SMYD4: variants seen among roughly 807,000 people sequenced by gnomAD.
The protein encoded by SMYD4 is protein-lysine N-methyltransferase SMYD4.
In SMYD4, 68 loss-of-function variants were observed where a neutral mutation model predicts 72.8. The observed-to-expected ratio is 0.93, with a 90% CI of 0.77 to 1.14. SMYD4 has a LOEUF of 1.14. Ranked by LOEUF, SMYD4 falls within the 50% of genes most tolerant of loss-of-function variation. The pLI is 0.00. For synonymous variants in SMYD4, 407 were observed against 388.6 expected, an observed-to-expected ratio of 1.05 and a Z score of -0.56; for missense variants, 984 against 1,003.7, an observed-to-expected ratio of 0.98 and a Z score of 0.27.
intron 2 of SMYD4, among the ~76,000 whole-genome samples, chr17:1,820,315 C>T (rs538344726): frequency 2.6e-5 from 4 of 152,086 alleles, no homozygotes; most frequent in East Asian, 1.9e-4. Flanking sequence ...TCATAGCTCA[C>T]GACAGCCTCG....
In SMYD4 at chr17:1,804,510, AAT is replaced by A. The variant is rs534362627; in HGVS notation, c.369+114_369+115del. On this transcript the variant is annotated intron_variant, in intron 4 of 10. Transcript: ENST00000305513. ...ATATTAATGTGCTTCCAATTCAACCAATAGCAGCATGACATGATTTTAGTGTT... is the reference window on the plus strand; with the variant it reads ...ATATTAATGTGCTTCCAATTCAACCAAGCAGCATGACATGATTTTAGTGTT... The A allele has an allele frequency of 2.2e-3, 1,999 of 918,580 alleles. 10 individuals are homozygous for A. Among genetic ancestry groups the A allele is most frequent in the Non-Finnish European group, 2.9e-3 (1,712 of 583,252 alleles). 56.9% of individuals were successfully genotyped at this position (918,580 alleles called of 1,614,324 possible).
chr17:1,783,210 A>T (rs1443081300), intron 9 of SMYD4, 52 bp from the exon 10 acceptor site: 3 of 1,613,376 alleles, frequency 1.9e-6, no homozygotes, highest in Non-Finnish European at 2.5e-6. Flanking sequence ...TCAACTGTGG[A>T]TGCATATTTT....
chr17:1,786,951 C>T lies in SMYD4; in HGVS notation c.1743G>A (p.Gly581=). 1 of 1,613,946 alleles carries T rather than the reference C, an allele frequency of 6.2e-7. No homozygotes were observed. The highest frequency in any genetic ancestry group is 8.5e-7 in the Non-Finnish European group (1 of 1,180,028). Residue 581 remains glycine, a synonymous_variant, in exon 7 of 11, where the codon GGG becomes GGA. Transcript: ENST00000305513. ...TCAGCTTCTGCTGCCTTTCGGCAACCCCCATCCGGCTCTTGTGAGGCCCTG... is the reference window on the plus strand; with the variant it reads ...TCAGCTTCTGCTGCCTTTCGGCAACTCCCATCCGGCTCTTGTGAGGCCCTG... ...HCYGPHKSRM[G]VAERQQKLRS... is the part of the protein sequence containing the mutation.
Position 1,804,633 on chromosome 17 carries a change from T to C in SMYD4, c.362A>G (p.Gln121Arg). The change falls in exon 4 of 11, where the codon CAG (glutamine) becomes CGG (arginine). Residue 121 changes from glutamine to arginine, a missense_variant. Transcript: ENST00000305513. ...NRSAALFHLG[Q>R]YETCLKDINR... Reference sequence around the variant, plus strand: ...AGGTATCCTGATACTCACCTCATACTGACCCAGGTGGAAGAGGGCTGCCGA... The same window carrying C: ...AGGTATCCTGATACTCACCTCATACCGACCCAGGTGGAAGAGGGCTGCCGA... The C allele has an allele frequency of 6.2e-7, 1 of 1,613,570 alleles. No individual in the cohort carries two copies. The highest frequency in any genetic ancestry group is 8.5e-7 in the Non-Finnish European group (1 of 1,179,658).
At chr17:1,801,515 C>T (rs931003742) in intron 4 of SMYD4, among the ~76,000 whole-genome samples, 1 of 149,830 alleles carries the variant, frequency 6.7e-6, no homozygotes, top group African/African-American at 2.5e-5. Context: ...GCTGGGATTA[C>T]AGGCATGAGC....
At chr17:1,784,021 C>T (rs1229495147) in intron 8 of SMYD4, among the ~76,000 whole-genome samples, 1 of 152,268 alleles carries the variant, frequency 6.6e-6, no homozygotes, top group Non-Finnish European at 1.5e-5. Flanking sequence ...TGACACTCAA[C>T]TTCTGGAACT....
intron 2 of SMYD4, among the ~76,000 whole-genome samples, chr17:1,826,215 G>A (rs1002880329): frequency 4.6e-5 from 7 of 152,146 alleles, no homozygotes; most frequent in African/African-American, 1.4e-4. Context: ...CTGGGGGGCC[G>A]GGCGCAGTGG....
At chr17:1,822,857 A>G (rs1291163946) in intron 2 of SMYD4, among the ~76,000 whole-genome samples, 1 of 152,208 alleles carries the variant, frequency 6.6e-6, no homozygotes, top group Non-Finnish European at 1.5e-5. Context: ...CAATAACAAC[A>G]AAAACCTTAC....
At chr17:1,816,667 C>T (rs9909046) in intron 2 of SMYD4, among the ~76,000 whole-genome samples, 28,292 of 151,156 alleles carry the variant, frequency 0.19, 2,708 homozygotes, top group Middle Eastern at 0.21. Context: ...CCCTTTGTCG[C>T]CCAGGCTGGA....
Position 1,781,196 on chromosome 17 carries a change from C to A in SMYD4, c.*90G>T, listed in dbSNP as rs1442016920. The A allele has an allele frequency of 6.6e-7, 1 of 1,503,890 alleles. No homozygotes were observed. The highest frequency in any genetic ancestry group is 1.4e-5 in the African/African-American group (1 of 71,162). 93.2% of individuals were successfully genotyped at this position (1,503,890 alleles called of 1,614,324 possible). On this transcript the variant is annotated 3_prime_UTR_variant, in exon 11 of 11. Coordinates refer to ENST00000305513, the MANE Select transcript of SMYD4 (RefSeq NM_052928.3). ...TTAGCCTCCCAAAGTGCTGGGATTACAGGCGTGAGCCACCATACCTGGCCA... is the reference window on the plus strand; with the variant it reads ...TTAGCCTCCCAAAGTGCTGGGATTAAAGGCGTGAGCCACCATACCTGGCCA...
Position 1,800,865 on chromosome 17 carries a change from G to A in SMYD4, c.529C>T (p.Pro177Ser). ...SDLERNFTAT[P>S]ALADVLPQTL... ...TGAGGGAGGACATCTGCTAGGGCTG[G>A]TGTGGCTGTGAAGTTCCTTTCAAGA... is the stretch of plus-strand genomic sequence containing the variant. Residue 177 changes from proline to serine, a missense_variant, in exon 5 of 11, where the codon CCA becomes TCA. Transcript: ENST00000305513. 1 of 1,614,174 alleles carries A rather than the reference G, an allele frequency of 6.2e-7. No homozygotes were observed. Among genetic ancestry groups the A allele is most frequent in the Middle Eastern group, 1.6e-4 (1 of 6,062 alleles).
chr17:1,803,741 C>T (rs1909889624), intron 4 of SMYD4, among the ~76,000 whole-genome samples: 4 of 152,038 alleles, frequency 2.6e-5, no homozygotes, highest in Admixed American at 2.6e-4. Flanking sequence ...TCAAGTGATC[C>T]GTCTGCCTTG....
rs79308180 is a variant in SMYD4 at position 1,783,270 on chromosome 17, G to A, written c.2137+90C>T. 4.0e-5 allele frequency: 65 copies of A among 1,609,084 alleles called. 3 individuals are homozygous for A. In the South Asian group the frequency reaches 4.5e-4, roughly 11 times the overall value. ...GGGGAGCACCCTCAGTTTACAGAGCGGGGGGTAACCAGGCAGACAAGGCCG... is the reference window on the plus strand; with the variant it reads ...GGGGAGCACCCTCAGTTTACAGAGCAGGGGGTAACCAGGCAGACAAGGCCG... On this transcript the variant is annotated intron_variant, in intron 9 of 10. Coordinates refer to ENST00000305513, the MANE Select transcript of SMYD4 (RefSeq NM_052928.3).
In SMYD4 at chr17:1,781,337, C is replaced by A. The variant is rs749532218; in HGVS notation, c.2364G>T (p.Met788Ile). Residue 788 changes from methionine (M) to isoleucine (I), a missense_variant, in exon 11 of 11, where the codon ATG becomes ATT. Physicochemically the swap from Met to Ile is conservative, Grantham distance 10. Coordinates refer to ENST00000305513, the MANE Select transcript of SMYD4 (RefSeq NM_052928.3). The part of the protein sequence containing the change: ...WDDEIQELQK[M>I]KSCLLDLPPT... Reference sequence around the variant, plus strand: ...GTGGTAAGTCCAACAAACAGGATTTCATCTTCTGGAGCTCCTGGATTTCAT... The same window carrying A: ...GTGGTAAGTCCAACAAACAGGATTTAATCTTCTGGAGCTCCTGGATTTCAT... 4.3e-6 allele frequency: 7 copies of A among 1,613,988 alleles called. No homozygotes were observed. In the South Asian group the frequency reaches 7.7e-5, roughly 18 times the overall value.
chr17:1,787,082 C>G (rs1207126199), intron 6 of SMYD4, 109 bp from the exon 7 acceptor site: 1 of 1,342,604 alleles, frequency 7.4e-7, no homozygotes, highest in Non-Finnish European at 1.0e-6. Context: ...CATGTGACAG[C>G]TAACCTTTAC....
At chr17:1,804,486 T>C (rs1909934791) in intron 4 of SMYD4, 140 bp downstream of exon 4, 2 of 744,158 alleles carry the variant, frequency 2.7e-6, no homozygotes, top group Non-Finnish European at 2.2e-6. Context: ...TTTAGGTAGA[T>C]ATTAATGTGC....
At chr17:1,826,036 GAT>G (rs1179186801) in intron 2 of SMYD4, among the ~76,000 whole-genome samples, 2 of 151,866 alleles carry the variant, frequency 1.3e-5, no homozygotes, top group African/African-American at 4.8e-5. Context: ...GGGTAAAAAA[GAT>G]AAACAGATTG....
At chr17:1,785,763 C>CAAAAAAAAAAAAAAAAAA (rs1355052619) in intron 7 of SMYD4, among the ~76,000 whole-genome samples, 9 of 42,084 alleles carry the variant, frequency 2.1e-4, no homozygotes, top group African/African-American at 8.7e-4. Flanking sequence ...GACCCCATCT[C>CAAAAAAAAAAAAAAAAAA]AAAAAAAAAA....
At chr17:1,813,721 T>C (rs1910448652) in intron 2 of SMYD4, among the ~76,000 whole-genome samples, 1 of 152,150 alleles carries the variant, frequency 6.6e-6, no homozygotes, top group Non-Finnish European at 1.5e-5. Flanking sequence ...GGCCTCTTTA[T>C]ACTATTTTTG....
Sources: gnomAD v4.1 joint callset for allele counts (sites outside exome capture counted in the v4.1 genomes callset) on GRCh38, gnomAD v4.1.1 for gene constraint, MANE v1.5 for transcripts, NCBI Gene and HGNC (gene_info 2026-07-23, HGNC 2026-07-21) for gene names.